The following NRXN3 variants were observed in gnomAD, a reference collection of about 807,000 sequenced individuals.
NRXN3 encodes neurexin 3.
A neutral mutation model predicts 137.6 loss-of-function variants in NRXN3; 32 were observed. That is an observed-to-expected ratio of 0.23 (90% CI 0.18 to 0.31). The LOEUF is 0.31. Ranked by LOEUF, NRXN3 falls within the 10% of genes least tolerant of loss-of-function variation. The pLI is 1.00. For synonymous variants in NRXN3, 798 were observed against 784.5 expected (o/e 1.02, Z -0.29); for missense variants, 1,574 against 2,062.5 (o/e 0.76, Z 4.59).
chr14:78,228,797 C>T (rs886193037), intron 1 of NRXN3, among the ~76,000 whole-genome samples: 1 of 152,126 alleles, frequency 6.6e-6, no homozygotes, highest in African/African-American at 2.4e-5. Flanking sequence ...GGCAGGGACA[C>T]CCCTTGAAAT....
At chr14:78,697,109 C>A (rs971666205) in intron 6 of NRXN3, among the ~76,000 whole-genome samples, 1 of 152,084 alleles carries the variant, frequency 6.6e-6, no homozygotes, top group African/African-American at 2.4e-5. Flanking sequence ...AATTATTTAT[C>A]ACACCTAGTT....
At chr14:78,292,068 T>C (rs1383321498) in intron 3 of NRXN3, among the ~76,000 whole-genome samples, 1 of 152,244 alleles carries the variant, frequency 6.6e-6, no homozygotes, top group East Asian at 1.9e-4. Flanking sequence ...TTAGCTTAAA[T>C]GATGGAGGCC....
At chr14:78,786,715 A>G (rs2098790268) in intron 8 of NRXN3, among the ~76,000 whole-genome samples, 1 of 152,176 alleles carries the variant, frequency 6.6e-6, no homozygotes, top group African/African-American at 2.4e-5. Flanking sequence ...AGGTGACTCA[A>G]TAGATTTTAT....
intron 19 of NRXN3, among the ~76,000 whole-genome samples, chr14:79,704,354 A>G (rs2098767799): frequency 6.6e-6 from 1 of 152,126 alleles, no homozygotes; most frequent in South Asian, 2.1e-4. Flanking sequence ...AGATAGATCC[A>G]CCTTATCCCC....
intron 15 of NRXN3, among the ~76,000 whole-genome samples, chr14:79,197,271 A>C (rs754510413): frequency 6.6e-6 from 1 of 152,212 alleles, no homozygotes; most frequent in Non-Finnish European, 1.5e-5. Flanking sequence ...AAATTAGGCA[A>C]ATGTGACTTC....
At chr14:79,725,852 T>C (rs1230473318) in intron 19 of NRXN3, among the ~76,000 whole-genome samples, 2 of 152,066 alleles carry the variant, frequency 1.3e-5, no homozygotes, top group Non-Finnish European at 1.5e-5. Flanking sequence ...AGGGGAAAAA[T>C]GACAGTGCAG....
intron 4 of NRXN3, among the ~76,000 whole-genome samples, chr14:78,438,645 C>G (rs2094146419): frequency 6.6e-6 from 1 of 152,144 alleles, no homozygotes; most frequent in African/African-American, 2.4e-5. Flanking sequence ...CCTACTGGGT[C>G]TGACCCTATT....
At chr14:79,395,105 A>G (rs2094975455) in intron 15 of NRXN3, among the ~76,000 whole-genome samples, 1 of 152,254 alleles carries the variant, frequency 6.6e-6, no homozygotes, top group Non-Finnish European at 1.5e-5. Context: ...CATCTTTGGA[A>G]CAACCATCCT....
chr14:78,250,105 C>T (rs1326734466), intron 2 of NRXN3: 1 of 516,848 alleles, frequency 1.9e-6, no homozygotes, highest in Non-Finnish European at 3.9e-6. Flanking sequence ...GATAAGGAAG[C>T]TCGGGGCAAG....
chr14:78,677,427 G>GAA (rs201631742), intron 6 of NRXN3, among the ~76,000 whole-genome samples: 3,082 of 144,252 alleles, frequency 0.021, 40 homozygotes, highest in African/African-American at 0.035. Flanking sequence ...GTGAAAATAG[G>GAA]AAAAAAAAAA....
intron 4 of NRXN3, among the ~76,000 whole-genome samples, chr14:78,495,240 A>G (rs756271375): frequency 6.6e-6 from 1 of 151,782 alleles, no homozygotes; most frequent in Admixed American, 6.6e-5. Context: ...TACTGGGATG[A>G]GCAAAATTGA....
chr14:79,647,251 C>G (rs1252350419), intron 16 of NRXN3, among the ~76,000 whole-genome samples: 1 of 135,484 alleles, frequency 7.4e-6, no homozygotes, highest in African/African-American at 2.5e-5. Context: ...TTTTCACTAT[C>G]AGTTTCTACT....
chr14:78,633,605 A>C (rs1476796668), intron 4 of NRXN3, among the ~76,000 whole-genome samples: 1 of 152,118 alleles, frequency 6.6e-6, no homozygotes, highest in Non-Finnish European at 1.5e-5. Flanking sequence ...TCTCCTCCTC[A>C]CTGCCATATT....
Position 79,798,339 on chromosome 14 carries a change from G to T in NRXN3, c.4015-6773G>T, listed in dbSNP as rs186953639. Among the ~76,000 whole-genome samples, 10 of 152,310 alleles carry T rather than the reference G, an allele frequency of 6.6e-5. No individual in the cohort carries two copies. In the East Asian group the frequency reaches 1.7e-3, roughly 26 times the overall value. ...AGAATGAACATTCATAATGAAGCTA[G>T]ATGGGTCCTCTCTCATCTGAGATAT... On this transcript the variant is annotated intron_variant, in intron 19 of 20. Transcript: ENST00000335750.
At chr14:78,578,405 T>A (rs2096958447) in intron 4 of NRXN3, among the ~76,000 whole-genome samples, 2 of 152,204 alleles carry the variant, frequency 1.3e-5, no homozygotes, top group Admixed American at 1.3e-4. Context: ...TCACTAGAGC[T>A]ATTCGGAGTA....
chr14:78,625,265 T>C (rs985280609), intron 4 of NRXN3, among the ~76,000 whole-genome samples: 28 of 152,212 alleles, frequency 1.8e-4, no homozygotes, highest in African/African-American at 6.3e-4. Context: ...GGATTATTCT[T>C]TTTGCTTTTA....
chr14:79,685,041 A>G (rs1032390405), intron 17 of NRXN3, among the ~76,000 whole-genome samples: 1 of 152,190 alleles, frequency 6.6e-6, no homozygotes, highest in African/African-American at 2.4e-5. Flanking sequence ...ACGGCTGAAG[A>G]GCAAACATTA....
At chr14:79,842,101 T>A (rs957281433) in intron 20 of NRXN3, among the ~76,000 whole-genome samples, 2 of 152,212 alleles carry the variant, frequency 1.3e-5, no homozygotes, top group African/African-American at 4.8e-5. Context: ...CATCCTTTCT[T>A]CTTTCAGCAG....
intron 8 of NRXN3, among the ~76,000 whole-genome samples, chr14:78,780,974 T>C (rs1004808364): frequency 6.6e-6 from 1 of 152,194 alleles, no homozygotes; most frequent in Non-Finnish European, 1.5e-5. Flanking sequence ...GCAATTTACA[T>C]TGAGCTAGTT....
Sources: allele counts gnomAD v4.1 joint callset (sites outside exome capture counted in the v4.1 genomes callset), GRCh38; gene constraint gnomAD v4.1.1; transcripts MANE v1.5; gene names NCBI Gene and HGNC (gene_info 2026-07-23, HGNC 2026-07-21).